Variants in DAB1 observed in about 807,000 individuals in gnomAD.
DAB1 encodes the protein disabled homolog 1.
In DAB1, 15 loss-of-function variants were observed where a neutral mutation model predicts 64.6. That is an observed-to-expected ratio of 0.23 (90% CI 0.16 to 0.36). DAB1 has a LOEUF of 0.36. Among genes scored for constraint, DAB1 ranks in the 10% least tolerant of loss-of-function variants. The pLI, the probability that DAB1 is intolerant of heterozygous loss-of-function variation, is 1.00. For missense variants in DAB1, 596 were observed against 706.7 expected (o/e 0.84, Z 1.78); for synonymous variants, 235 against 251.9 (o/e 0.93, Z 0.64).
At chr1:57,067,812 CA>C (rs1322235016) in intron 8 of DAB1, among the ~76,000 whole-genome samples, 1 of 152,214 alleles carries the variant, frequency 6.6e-6, no homozygotes, top group African/African-American at 2.4e-5. Flanking sequence ...TGAATCCACA[CA>C]GCCAGACTCC....
chr1:57,729,915 T>C (rs1484505388), intron 6 of DAB1, among the ~76,000 whole-genome samples: 1 of 152,180 alleles, frequency 6.6e-6, no homozygotes, highest in African/African-American at 2.4e-5. Flanking sequence ...TAAAATAAAA[T>C]AAAATCTTAT....
intron 7 of DAB1, among the ~76,000 whole-genome samples, chr1:57,492,777 T>G (rs776205680): frequency 2.6e-5 from 4 of 152,194 alleles, no homozygotes; most frequent in Non-Finnish European, 4.4e-5. Flanking sequence ...CGGGCTCCAG[T>G]CACAAATGAC....
At chr1:58,379,334 A>G (rs1339416131) in intron 3 of DAB1, among the ~76,000 whole-genome samples, 1 of 152,240 alleles carries the variant, frequency 6.6e-6, no homozygotes, top group Non-Finnish European at 1.5e-5. Context: ...TAGTAAATGT[A>G]GCAATACCAC....
chr1:58,323,767 T>C (rs1280458775), intron 4 of DAB1, among the ~76,000 whole-genome samples: 3 of 151,630 alleles, frequency 2.0e-5, no homozygotes, highest in African/African-American at 7.3e-5. Flanking sequence ...CTACTAAAAA[T>C]ACAAAAAATT....
At chr1:57,575,553 C>T (rs2101541314) in intron 7 of DAB1, among the ~76,000 whole-genome samples, 1 of 152,270 alleles carries the variant, frequency 6.6e-6, no homozygotes, top group African/African-American at 2.4e-5. Context: ...CCAGATGAAA[C>T]ATAGCTTCAG....
intron 2 of DAB1, among the ~76,000 whole-genome samples, chr1:57,172,950 A>G (rs1661934355): frequency 6.6e-6 from 1 of 152,160 alleles, no homozygotes. Flanking sequence ...CCTTTCCACT[A>G]CATACTGCTA....
chr1:57,737,535 C>T (rs897109956), intron 6 of DAB1, among the ~76,000 whole-genome samples: 2 of 152,142 alleles, frequency 1.3e-5, no homozygotes, highest in African/African-American at 4.8e-5. Flanking sequence ...AATTCATAAA[C>T]CACTTAGGAA....
chr1:57,374,011 T>G (rs1680706460), intron 1 of DAB1, among the ~76,000 whole-genome samples: 1 of 152,220 alleles, frequency 6.6e-6, no homozygotes, highest in African/African-American at 2.4e-5. Flanking sequence ...AATTGTTTAT[T>G]ACAATTTTAT....
chr1:58,220,038 G>T (rs567199406), intron 4 of DAB1, among the ~76,000 whole-genome samples: 1 of 152,356 alleles, frequency 6.6e-6, no homozygotes, highest in South Asian at 2.1e-4. Flanking sequence ...TGAGATAACA[G>T]AAGTGACACT....
intron 4 of DAB1, among the ~76,000 whole-genome samples, chr1:57,077,442 G>A (rs749218439): frequency 6.6e-6 from 1 of 152,108 alleles, no homozygotes; most frequent in African/African-American, 2.4e-5. Flanking sequence ...TGAATGGGGA[G>A]GAAGAAAAGA....
At chr1:58,070,618 C>G (rs1649176027) in intron 5 of DAB1, among the ~76,000 whole-genome samples, 1 of 152,148 alleles carries the variant, frequency 6.6e-6, no homozygotes, top group Admixed American at 6.5e-5. Flanking sequence ...AAGGTAAAGA[C>G]TGGAGGCAAA....
chr1:58,336,938 G>C (rs1245197113), intron 4 of DAB1, among the ~76,000 whole-genome samples: 4 of 152,184 alleles, frequency 2.6e-5, no homozygotes, highest in African/African-American at 9.6e-5. Context: ...CCTAAAACTT[G>C]GAAAATAATA....
At chr1:58,074,594 A>ATATATATATATATATATATT (rs1649526356) in intron 5 of DAB1, among the ~76,000 whole-genome samples, 2 of 112,382 alleles carry the variant, frequency 1.8e-5, no homozygotes, top group Admixed American at 1.0e-4. Context: ...ATATATATAT[A>ATATATATATATATATATATT]TTTGAGAAAC....
chr1:57,597,595 A>AT (rs2101580095), intron 7 of DAB1, among the ~76,000 whole-genome samples: 1 of 152,390 alleles, frequency 6.6e-6, no homozygotes, highest in Admixed American at 6.5e-5. Flanking sequence ...TGCAAGGTAC[A>AT]TTTTATGAGC....
intron 3 of DAB1, among the ~76,000 whole-genome samples, chr1:58,406,235 T>C (rs1249792340): frequency 1.3e-5 from 2 of 152,132 alleles, no homozygotes; most frequent in Admixed American, 6.6e-5. Flanking sequence ...CCCCACTCTG[T>C]GACCCTCAGG....
intron 2 of DAB1, among the ~76,000 whole-genome samples, chr1:57,163,238 G>A (rs555839313): frequency 6.6e-6 from 1 of 152,298 alleles, no homozygotes; most frequent in East Asian, 1.9e-4. Context: ...TAAGTGTTAT[G>A]AAGGGGATAA....
intron 4 of DAB1, among the ~76,000 whole-genome samples, chr1:57,110,744 A>G (rs1655580289): frequency 6.6e-6 from 1 of 152,160 alleles, no homozygotes; most frequent in Non-Finnish European, 1.5e-5. Flanking sequence ...ACTCCTTGCT[A>G]TAAACTCAGT....
intron 1 of DAB1, among the ~76,000 whole-genome samples, chr1:57,312,237 C>A (rs1674778090): frequency 6.6e-6 from 1 of 152,142 alleles, no homozygotes; most frequent in Non-Finnish European, 1.5e-5. Context: ...TTAGAAATAA[C>A]CTAAGTCTTT....
intron 2 of DAB1, among the ~76,000 whole-genome samples, chr1:57,172,197 T>C (rs917050337): frequency 2.0e-5 from 3 of 152,204 alleles, no homozygotes; most frequent in Non-Finnish European, 4.4e-5. Flanking sequence ...GAAGTCACTA[T>C]GACCTCGTCT....
Sources: gnomAD v4.1 joint callset for allele counts (sites outside exome capture counted in the v4.1 genomes callset) on GRCh38, gnomAD v4.1.1 for gene constraint, MANE v1.5 for transcripts, NCBI Gene and HGNC (gene_info 2026-07-23, HGNC 2026-07-21) for gene names.